DENND2A: variants seen among roughly 807,000 people sequenced by gnomAD.
DENND2A encodes DENN domain containing 2A, also known as DENN domain-containing protein 2A.
Under a neutral mutation model 105.3 loss-of-function variants are expected in DENND2A, and 53 were observed. The ratio of observed to expected loss-of-function variants is 0.50; its 90% CI spans 0.40 to 0.63. The LOEUF (loss-of-function observed/expected upper bound fraction) is 0.63, where lower values mean the gene tolerates loss of function less well. DENND2A is among the 30% of genes least tolerant of loss of function. The probability of loss-of-function intolerance (pLI) is 0.00; values close to 1 mark genes in which losing one functional copy is unlikely to be tolerated. For synonymous variants in DENND2A, 522 were observed against 508.4 expected (o/e 1.03, Z -0.36); for missense variants, 1,138 against 1,279.6 (o/e 0.89, Z 1.69).
Position 140,522,061 on chromosome 7 carries a change from G to C in DENND2A, c.2705C>G (p.Ala902Gly), listed in dbSNP as rs749296380. ...AATCTCCACGAAGAAGCGGACAAAG[G>C]CTTCAGACACCACCTCGTTCAAGGG... Reference protein sequence around the residue: ...SSPLNEVVSEAFVRFFVEIVG... With the variant: ...SSPLNEVVSEGFVRFFVEIVG... Residue 902 changes from alanine to glycine, a missense_variant, in exon 18 of 20, where the codon GCC (alanine) becomes GGC (glycine). Coordinates refer to ENST00000496613, the MANE Select transcript of DENND2A (RefSeq NM_015689.5). 2 of 1,614,166 alleles carry C rather than the reference G, an allele frequency of 1.2e-6. No homozygotes were observed. The highest frequency in any genetic ancestry group is 1.7e-6 in the Non-Finnish European group (2 of 1,180,026).
intron 5 of DENND2A, among the ~76,000 whole-genome samples, chr7:140,580,998 T>C (rs2429997): frequency 0.53 from 80,082 of 151,230 alleles, 24,041 homozygotes; most frequent in African/African-American, 0.83. Flanking sequence ...TGCGGTGGCT[T>C]ATGCCTGTAA....
intron 7 of DENND2A, among the ~76,000 whole-genome samples, chr7:140,569,127 T>C (rs1379742243): frequency 1.3e-5 from 2 of 152,198 alleles, no homozygotes; most frequent in African/African-American, 4.8e-5. Context: ...GGTTTTGCCA[T>C]GTTGGCCAGG....
At chr7:140,627,792 G>T (rs902232414) in intron 1 of DENND2A, among the ~76,000 whole-genome samples, 9 of 151,832 alleles carry the variant, frequency 5.9e-5, no homozygotes, top group African/African-American at 1.9e-4. Flanking sequence ...ATCCCAAACT[G>T]CTGGGATTAC....
At position 140,640,579 on chromosome 7, in the gene DENND2A, C is replaced by G. The variant is rs1801165161; in HGVS notation, c.-323G>C. 1 of 149,718 alleles carries G rather than the reference C, an allele frequency of 6.7e-6. No individual in the cohort carries two copies. Among genetic ancestry groups the G allele is most frequent in the Non-Finnish European group, 1.5e-5 (1 of 66,956 alleles). The allele number at this position is 149,718 out of a possible 1,614,324, so 9.3% of individuals were successfully genotyped here. ...CGGGGCGGGCCGGGACGGCTGGCGG[C>G]GCGGCTCGGGGGCGGGCGGCGGCGG... On this transcript the variant is annotated 5_prime_UTR_variant, in exon 1 of 20. Coordinates refer to ENST00000496613, the MANE Select transcript of DENND2A (RefSeq NM_015689.5). This position sits in a 1 kb window ranked among gnomAD's most constrained non-coding sequence, Gnocchi z 4.9.
intron 3 of DENND2A, among the ~76,000 whole-genome samples, chr7:140,598,677 A>G (rs17621539): frequency 0.33 from 49,826 of 151,980 alleles, 8,515 homozygotes; most frequent in African/African-American, 0.42. Context: ...ACCATATGAG[A>G]AAAAAGACAT....
Position 140,601,414 on chromosome 7 carries a change from A to C in DENND2A, c.984T>G (p.Ser328Arg). 1 of 1,598,732 alleles carries C rather than the reference A, an allele frequency of 6.3e-7. No homozygotes were observed. The highest frequency in any genetic ancestry group is 8.5e-7 in the Non-Finnish European group (1 of 1,172,916). The change falls in exon 3 of 20, where the codon AGT (serine) becomes AGG (arginine). Residue 328 changes from serine to arginine, a missense_variant. This residue lies in a region of DENND2A where 511 missense variants were observed against 499.9 expected (regional missense o/e 1.02). Transcript: ENST00000496613. The part of the protein sequence containing the change: ...RRLWTGRQKS[S>R]ADHRKSYEFE... ...ACACCGGCACCTACCTGTGGTCTGC[A>C]CTGGATTTCTGTCTCCCGGTCCACA...
At chr7:140,580,440 A>G (rs2429996) in intron 5 of DENND2A, among the ~76,000 whole-genome samples, 33 of 152,018 alleles carry the variant, frequency 2.2e-4, no homozygotes, top group African/African-American at 7.2e-4. Context: ...CCATGTCAGC[A>G]TCCCGAGTAG....
Position 140,550,291 on chromosome 7 carries a change from C to G in DENND2A, c.2038-3352G>C, listed in dbSNP as rs148848125. On this transcript the variant is annotated intron_variant, in intron 12 of 19. Coordinates refer to ENST00000496613, the MANE Select transcript of DENND2A (RefSeq NM_015689.5). ...CACTGCAACGTCTGCCTCTCAGGTT[C>G]AAACGATTCTCCTGCCTCAGCCTCC... Among the ~76,000 whole-genome samples the G allele has an allele frequency of 5.9e-3, 894 of 152,228 alleles. 14 individuals are homozygous for G. The highest frequency in any genetic ancestry group is 0.02 in the African/African-American group (843 of 41,542).
At chr7:140,531,473 A>C (rs1796260433) in intron 14 of DENND2A, among the ~76,000 whole-genome samples, 1 of 152,100 alleles carries the variant, frequency 6.6e-6, no homozygotes, top group Non-Finnish European at 1.5e-5. Flanking sequence ...AAAATAAGAG[A>C]GTGTGCTGCA....
In DENND2A at chr7:140,631,466, G is replaced by A. The variant is rs371691352; in HGVS notation, c.-248+9038C>T. On this transcript the variant is annotated intron_variant, in intron 1 of 19. Coordinates refer to ENST00000496613, the MANE Select transcript of DENND2A (RefSeq NM_015689.5). ...TGTCCTATATTCAAGGGAAAGAAGA[G>A]CCTGGAATAAGAGGCTCTCTTGGCT... Among the ~76,000 whole-genome samples the A allele has an allele frequency of 2.1e-4, 32 of 152,146 alleles. No individual in the cohort carries two copies. In the East Asian group the frequency reaches 2.1e-3, roughly 10 times the overall value.
At chr7:140,637,443 G>A (rs757822880) in intron 1 of DENND2A, among the ~76,000 whole-genome samples, 1 of 152,202 alleles carries the variant, frequency 6.6e-6, no homozygotes, top group Non-Finnish European at 1.5e-5. Flanking sequence ...CAGGAGATCT[G>A]TGCCTGAGTC....
At chr7:140,628,536 C>CTTTTTTT (rs987018660) in intron 1 of DENND2A, among the ~76,000 whole-genome samples, 3 of 116,136 alleles carry the variant, frequency 2.6e-5, no homozygotes, top group East Asian at 2.5e-4. Context: ...AAATTTCTTT[C>CTTTTTTT]TTTTTTTTTT....
chr7:140,521,751 T>A (rs764403925), intron 18 of DENND2A, 104 bp downstream of exon 18: 94 of 1,531,436 alleles, frequency 6.1e-5, no homozygotes, highest in Non-Finnish European at 8.2e-5. Flanking sequence ...ATGGACACAG[T>A]CCTGTCTGTG....
In DENND2A at chr7:140,521,925, C is replaced by G; in HGVS notation, c.2841G>C (p.Glu947Asp). Residue 947 changes from glutamate to aspartate, a missense_variant, in exon 18 of 20, where the codon GAG (glutamate) becomes GAC (aspartate). By Grantham distance (45) the Glu-to-Asp change is conservative (BLOSUM62 2). Coordinates refer to ENST00000496613, the MANE Select transcript of DENND2A (RefSeq NM_015689.5). Reference sequence around the variant, plus strand: ...GAAACATCTGAGTCTCCATGAAGACCTCCAGGAAGTGGCGGAGGCTCTTGG... The same window carrying G: ...GAAACATCTGAGTCTCCATGAAGACGTCCAGGAAGTGGCGGAGGCTCTTGG... ...VSSKSLRHFL[E>D]VFMETQMFRG... is the part of the protein sequence containing the mutation. 1 of 1,614,188 alleles carries G rather than the reference C, an allele frequency of 6.2e-7. No individual in the cohort carries two copies. The highest frequency in any genetic ancestry group is 1.1e-5 in the South Asian group (1 of 91,084).
intron 5 of DENND2A, among the ~76,000 whole-genome samples, chr7:140,582,274 G>A (rs902915134): frequency 6.6e-6 from 1 of 152,064 alleles, no homozygotes; most frequent in Admixed American, 6.6e-5. Context: ...CTGGGCAGAT[G>A]TTTTTCATTG....
intron 14 of DENND2A, among the ~76,000 whole-genome samples, chr7:140,532,895 T>C (rs1796316417): frequency 2.1e-5 from 2 of 94,162 alleles, no homozygotes; most frequent in Admixed American, 2.1e-4. Context: ...AAAAGGAGGA[T>C]AGCCTATGTG....
intron 1 of DENND2A, among the ~76,000 whole-genome samples, chr7:140,629,220 T>TGA (rs1304101486): frequency 6.6e-6 from 1 of 152,100 alleles, no homozygotes; most frequent in African/African-American, 2.4e-5. Context: ...GGAGCGCCAT[T>TGA]AGAGACTGGG....
intron 14 of DENND2A, among the ~76,000 whole-genome samples, chr7:140,530,826 G>T (rs1365293059): frequency 6.6e-6 from 1 of 152,008 alleles, no homozygotes; most frequent in East Asian, 1.9e-4. Flanking sequence ...CACCTCCCGT[G>T]TTCAAGTGAT....
intron 14 of DENND2A, among the ~76,000 whole-genome samples, chr7:140,542,763 A>G (rs1796724432): frequency 6.6e-6 from 1 of 151,738 alleles, no homozygotes; most frequent in Admixed American, 6.6e-5. Flanking sequence ...ACGGGGTTTC[A>G]CCATGTTGTT....
Sources: gnomAD v4.1 joint callset for allele counts (sites outside exome capture counted in the v4.1 genomes callset) on GRCh38, gnomAD v4.1.1 for gene constraint, gnomAD v4.1.1 regional missense constraint, Gnocchi (gnomAD v3.1) non-coding constraint, MANE v1.5 for transcripts, NCBI Gene and HGNC (gene_info 2026-07-23, HGNC 2026-07-21) for gene names.